Variants in ASXL2 observed in about 807,000 individuals in gnomAD.
ASXL2 encodes ASXL transcriptional regulator 2.
A neutral mutation model predicts 122.0 loss-of-function variants in ASXL2; 23 were observed. That is an observed-to-expected ratio of 0.19 (90% confidence interval 0.14 to 0.27). ASXL2 has a LOEUF of 0.27. ASXL2 is among the 10% of genes least tolerant of loss of function. ASXL2 has a pLI of 1.00. For missense variants in ASXL2, 1,518 were observed against 1,713.8 expected, an observed-to-expected ratio of 0.89 and a Z score of 2.02; for synonymous variants, 650 against 637.0, an observed-to-expected ratio of 1.02 and a Z score of -0.31.
At chr2:25,746,740 G>T (rs1271933852) in intron 12 of ASXL2, among the ~76,000 whole-genome samples, 1 of 152,144 alleles carries the variant, frequency 6.6e-6, no homozygotes, top group Non-Finnish European at 1.5e-5. Flanking sequence ...ATAAGTTTCA[G>T]TTACTTACGT....
intron 1 of ASXL2, among the ~76,000 whole-genome samples, chr2:25,849,162 G>T (rs2149195069): frequency 6.9e-6 from 1 of 145,794 alleles, no homozygotes; most frequent in Admixed American, 7.0e-5. Flanking sequence ...TTTAGGCCAG[G>T]AACAGTGGCT....
At position 25,754,390 on chromosome 2, in the gene ASXL2, T is replaced by A. The variant is rs143321010; in HGVS notation, c.1037-751A>T. ...CTCTAATACCCAGGACATCAAGGAA[T>A]AAGAGGTAGAAATGGCAGAATTTGA... is the stretch of plus-strand genomic sequence containing the variant. On this transcript the variant is annotated intron_variant, in intron 10 of 12. Coordinates refer to ENST00000435504, the MANE Select transcript of ASXL2 (RefSeq NM_018263.6). 3.5e-4 allele frequency among the ~76,000 whole-genome samples: 54 copies of A among 152,222 alleles called. 1 individual carries two copies. The East Asian group carries it at 0.01, about 29-fold the overall frequency.
intron 1 of ASXL2, among the ~76,000 whole-genome samples, chr2:25,867,024 C>T (rs1006769752): frequency 1.3e-5 from 2 of 152,168 alleles, no homozygotes; most frequent in African/African-American, 4.8e-5. Flanking sequence ...CCTCAGCCTC[C>T]CAAGTAGCTG....
At chr2:25,829,277 G>GACACAT (rs1011199386) in intron 3 of ASXL2, among the ~76,000 whole-genome samples, 5 of 149,324 alleles carry the variant, frequency 3.3e-5, no homozygotes, top group African/African-American at 1.3e-4. Context: ...CAGAAAGGGA[G>GACACAT]ACACATACAC....
intron 5 of ASXL2, among the ~76,000 whole-genome samples, chr2:25,777,404 C>G (rs1355633188): frequency 1.3e-5 from 2 of 151,970 alleles, no homozygotes; most frequent in South Asian, 4.1e-4. Context: ...TTTTGGGAGT[C>G]TGAGGTGGGA....
chr2:25,842,773 T>TGTGCAC (rs1470917081), intron 2 of ASXL2, among the ~76,000 whole-genome samples: 1 of 9,252 alleles, frequency 1.1e-4, no homozygotes, highest in Non-Finnish European at 5.0e-4. Flanking sequence ...TGTGCACGTG[T>TGTGCAC]GTGTGTGTGT....
At position 25,739,368 on chromosome 2, in the gene ASXL2, T is replaced by A. The variant is rs13392471; in HGVS notation, c.*2661A>T. The A allele has an allele frequency of 9.2e-3, 1,605 of 174,406 alleles. 29 individuals carry two copies. The highest frequency in any genetic ancestry group is 0.034 in the African/African-American group (1,422 of 41,230). 10.8% of individuals were successfully genotyped at this position (174,406 alleles called of 1,614,324 possible). On this transcript the variant is annotated 3_prime_UTR_variant, in exon 13 of 13. Transcript: ENST00000435504. ...TTTTCTAAAAGGCCAGATTGTAATG[T>A]GTTTTTTTTTTTTTTAATTTTTCTG...
intron 3 of ASXL2, among the ~76,000 whole-genome samples, chr2:25,820,701 T>C (rs185720858): frequency 1.4e-3 from 216 of 152,266 alleles, no homozygotes; most frequent in Middle Eastern, 6.8e-3. Flanking sequence ...GTAAATTTAC[T>C]TAAAACCATT....
chr2:25,840,226 C>T (rs866729196), intron 2 of ASXL2, among the ~76,000 whole-genome samples: 9 of 152,220 alleles, frequency 5.9e-5, no homozygotes, highest in Admixed American at 3.9e-4. Context: ...AAGGAATTCA[C>T]GTTTCTAATT....
rs556523755 is a variant in ASXL2 at position 25,850,490 on chromosome 2, G to A, written c.58-4927C>T. 1.8e-4 allele frequency among the ~76,000 whole-genome samples: 27 copies of A among 152,268 alleles called. No homozygotes were observed. The South Asian group carries it at 2.5e-3, about 14-fold the overall frequency. On this transcript the variant is annotated intron_variant, in intron 1 of 12. Transcript: ENST00000435504. ...CTTGCATTTCCTGAAAATTAGAATC[G>A]AAATCTAGAGGCTTGCTCAGATTCA... is the stretch of plus-strand genomic sequence containing the variant.
At chr2:25,767,887 A>G (rs574967858) in intron 7 of ASXL2, among the ~76,000 whole-genome samples, 161 bp from the exon 8 acceptor site, 1 of 152,320 alleles carries the variant, frequency 6.6e-6, no homozygotes, top group Admixed American at 6.5e-5. Context: ...AGTAAAATAA[A>G]ACCCTGTTTT....
At chr2:25,839,724 G>A (rs1467812673) in intron 2 of ASXL2, among the ~76,000 whole-genome samples, 1 of 148,936 alleles carries the variant, frequency 6.7e-6, no homozygotes, top group Non-Finnish European at 1.5e-5. Context: ...CTGGGCTCAA[G>A]TGATCCTCCT....
chr2:25,770,400 C>T (rs534344934), intron 6 of ASXL2, among the ~76,000 whole-genome samples: 2 of 152,136 alleles, frequency 1.3e-5, no homozygotes, highest in South Asian at 4.2e-4. Flanking sequence ...CTTGGCCTCC[C>T]GAAGTGCTAG....
In ASXL2 at chr2:25,738,861, G is replaced by A. The variant is rs572804275; in HGVS notation, c.*3168C>T. The A allele has an allele frequency of 6.6e-6, 1 of 152,214 alleles. No homozygotes were observed. Among genetic ancestry groups the A allele is most frequent in the Admixed American group, 6.5e-5 (1 of 15,294 alleles). 9.4% of individuals were successfully genotyped at this position (152,214 alleles called of 1,614,324 possible). A position where few individuals can be genotyped will look rare whatever the true frequency, so the allele number is the denominator to read the frequency against. On this transcript the variant is annotated 3_prime_UTR_variant, in exon 13 of 13. Transcript: ENST00000435504. ...TCCACCCCAAGTTTCCCATTTGCCA[G>A]CTCTTATTCTTAGAAATGTTACATG...
At chr2:25,809,805 G>C (rs2089139141) in intron 3 of ASXL2, 1 of 431,774 alleles carries the variant, frequency 2.3e-6, no homozygotes, top group East Asian at 5.6e-5. Context: ...ACACAGGGGA[G>C]GTGGGGGCAG....
At chr2:25,747,304 T>C (rs2087958610) in intron 12 of ASXL2, among the ~76,000 whole-genome samples, 1 of 151,932 alleles carries the variant, frequency 6.6e-6, no homozygotes, top group Non-Finnish European at 1.5e-5. Context: ...AGTTATAACA[T>C]TTATACTACA....
intron 5 of ASXL2, among the ~76,000 whole-genome samples, chr2:25,772,686 G>A (rs2088475495): frequency 7.9e-6 from 1 of 126,464 alleles, no homozygotes; most frequent in Admixed American, 1.0e-4. Flanking sequence ...AGGAGATCAT[G>A]CCACCGCACT....
At chr2:25,847,808 A>G (rs1274268083) in intron 1 of ASXL2, among the ~76,000 whole-genome samples, 1 of 152,226 alleles carries the variant, frequency 6.6e-6, no homozygotes, top group South Asian at 2.1e-4. Context: ...AAAATATACA[A>G]GAAGTTGCAG....
rs112873109 is a variant in ASXL2 at position 25,741,936 on chromosome 2, T to C, written c.*93A>G. 6.9e-4 allele frequency: 845 copies of C among 1,229,472 alleles called. 6 individuals are homozygous for C. The African/African-American group carries it at 0.012, about 17-fold the overall frequency. The allele number at this position is 1,229,472 out of a possible 1,614,324, so 76.2% of individuals were successfully genotyped here. A position where few individuals can be genotyped will look rare whatever the true frequency, so the allele number is the denominator to read the frequency against. On this transcript the variant is annotated 3_prime_UTR_variant, in exon 13 of 13. Transcript: ENST00000435504. ...TCTCTGAAGACAACTGAAACCTACT[T>C]GTTTATTTCTGTGATTCCAAAAGGA...
Sources: allele counts gnomAD v4.1 joint callset (sites outside exome capture counted in the v4.1 genomes callset), GRCh38; gene constraint gnomAD v4.1.1; transcripts MANE v1.5; gene names NCBI Gene and HGNC (gene_info 2026-07-23, HGNC 2026-07-21).